Variants in SGCZ observed in about 807,000 individuals in gnomAD.
The protein encoded by SGCZ is zeta-sarcoglycan.
Under a neutral mutation model 41.3 loss-of-function variants are expected in SGCZ, and 40 were observed. The observed-to-expected ratio is 0.97, with a 90% CI of 0.75 to 1.26. The LOEUF is 1.26. Ranked by LOEUF, SGCZ falls within the 50% of genes most tolerant of loss-of-function variation. SGCZ has a pLI of 0.00. For missense variants in SGCZ, 552 were observed against 369.8 expected (o/e 1.49, Z -4.04); for synonymous variants, 206 against 137.5 (o/e 1.50, Z -3.49).
chr8:15,137,671 TG>T (rs1355353689), intron 1 of SGCZ, among the ~76,000 whole-genome samples: 1 of 152,138 alleles, frequency 6.6e-6, no homozygotes, highest in Non-Finnish European at 1.5e-5. Context: ...ACCTTTCATG[TG>T]GTGTTGAGCC....
At chr8:14,973,028 T>A (rs565003184) in intron 1 of SGCZ, among the ~76,000 whole-genome samples, 51 of 152,326 alleles carry the variant, frequency 3.3e-4, no homozygotes, top group African/African-American at 1.2e-3. Flanking sequence ...ACAAACATTA[T>A]GAGTCCTAAT....
intron 1 of SGCZ, among the ~76,000 whole-genome samples, chr8:14,661,472 T>C (rs562531046): frequency 7.4e-4 from 113 of 152,316 alleles, no homozygotes; most frequent in African/African-American, 2.6e-3. Flanking sequence ...GTCAGTGCAA[T>C]ATCTACAATT....
At chr8:14,728,232 C>G (rs1220664201) in intron 1 of SGCZ, among the ~76,000 whole-genome samples, 1 of 151,188 alleles carries the variant, frequency 6.6e-6, no homozygotes, top group African/African-American at 2.4e-5. Context: ...ATAATTTTCT[C>G]TAAAAATAAA....
chr8:14,286,471 G>A (rs1800634380), intron 3 of SGCZ, among the ~76,000 whole-genome samples: 1 of 152,060 alleles, frequency 6.6e-6, no homozygotes, highest in Non-Finnish European at 1.5e-5. Context: ...AACTCCAGCT[G>A]TTTGACAGCT....
chr8:14,661,730 A>G (rs1807757279), intron 1 of SGCZ, among the ~76,000 whole-genome samples: 1 of 152,160 alleles, frequency 6.6e-6, no homozygotes, highest in Non-Finnish European at 1.5e-5. Flanking sequence ...AGGAGAGTAG[A>G]GTAACACATG....
intron 1 of SGCZ, among the ~76,000 whole-genome samples, chr8:15,047,461 T>G (rs1387677054): frequency 6.6e-6 from 1 of 152,030 alleles, no homozygotes; most frequent in Non-Finnish European, 1.5e-5. Flanking sequence ...AAAGATGATT[T>G]TTGGCAGTAT....
At chr8:15,066,227 G>C (rs1209800857) in intron 1 of SGCZ, among the ~76,000 whole-genome samples, 2 of 150,318 alleles carry the variant, frequency 1.3e-5, no homozygotes, top group African/African-American at 4.9e-5. Flanking sequence ...AGAATGGCGT[G>C]AACCCGGGAA....
At chr8:14,322,630 A>T (rs1291620932) in intron 3 of SGCZ, among the ~76,000 whole-genome samples, 1 of 152,148 alleles carries the variant, frequency 6.6e-6, no homozygotes, top group Non-Finnish European at 1.5e-5. Flanking sequence ...CGTAGCGACT[A>T]CAAATGAACC....
chr8:15,112,878 A>G (rs1807124288), intron 1 of SGCZ, among the ~76,000 whole-genome samples: 1 of 152,170 alleles, frequency 6.6e-6, no homozygotes, highest in South Asian at 2.1e-4. Flanking sequence ...GATCAAATAA[A>G]CAATTGTTGC....
At chr8:14,899,136 T>C (rs999122565) in intron 1 of SGCZ, among the ~76,000 whole-genome samples, 1 of 152,146 alleles carries the variant, frequency 6.6e-6, no homozygotes, top group Admixed American at 6.6e-5. Context: ...TTGATCATAG[T>C]TTATCAAGAC....
rs141914086 is a variant in SGCZ, at chr8:14,841,944, C to T, written c.40-287018G>A. Among the ~76,000 whole-genome samples, 14 of 152,224 alleles carry T rather than the reference C, an allele frequency of 9.2e-5. No individual in the cohort carries two copies. In the South Asian group the frequency reaches 2.9e-3, roughly 32 times the overall value. ...GGATTTGGCTTCCATAATAGAATCA[C>T]CATCTCAGAGTACTTATTCAGTACA... On this transcript the variant is annotated intron_variant, in intron 1 of 7. Transcript: ENST00000382080.
intron 1 of SGCZ, among the ~76,000 whole-genome samples, chr8:15,196,947 T>C (rs544726730): frequency 2.0e-5 from 3 of 152,320 alleles, no homozygotes; most frequent in Non-Finnish European, 1.5e-5. Context: ...TCTCATTCTC[T>C]AGCAGGACAG....
At chr8:14,666,684 CAAAAAAA>C (rs34262206) in intron 1 of SGCZ, among the ~76,000 whole-genome samples, 20 of 107,464 alleles carry the variant, frequency 1.9e-4, no homozygotes, top group Non-Finnish European at 3.6e-4. Context: ...GTAGAATTTG[CAAAAAAA>C]AAAAAAAAAA....
At position 14,854,055 on chromosome 8, in the gene SGCZ, A is replaced by ATATATC. The variant is rs1252406372; in HGVS notation, c.40-299130_40-299129insGATATA. Among the ~76,000 whole-genome samples, 3 of 129,898 alleles carry ATATATC rather than the reference A, an allele frequency of 2.3e-5. 1 individual carries two copies. In the Middle Eastern group the frequency reaches 0.013, roughly 555 times the overall value. The allele number at this position is 129,898 out of a possible 152,430, so 85.2% of individuals were successfully genotyped here. ...TATATATATATATATATATATATATATCCTTTTGTATATATATTCTAATTT... is the reference window on the plus strand; with the variant it reads ...TATATATATATATATATATATATATATATATCTCCTTTTGTATATATATTCTAATTT... On this transcript the variant is annotated intron_variant, in intron 1 of 7. Transcript: ENST00000382080.
chr8:14,367,993 G>C (rs1803774020), intron 2 of SGCZ, among the ~76,000 whole-genome samples: 1 of 151,966 alleles, frequency 6.6e-6, no homozygotes, highest in Non-Finnish European at 1.5e-5. Context: ...GATGTTACTG[G>C]GAGTTTTATA....
At chr8:14,091,211 T>A (rs931787951) in intron 7 of SGCZ, among the ~76,000 whole-genome samples, 1 of 151,800 alleles carries the variant, frequency 6.6e-6, no homozygotes, top group South Asian at 2.1e-4. Flanking sequence ...GTATATGTGC[T>A]ACATTTTTTT....
chr8:14,514,220 A>G (rs1802546893), intron 2 of SGCZ, among the ~76,000 whole-genome samples: 1 of 151,810 alleles, frequency 6.6e-6, no homozygotes, highest in Admixed American at 6.6e-5. Context: ...GCCATTAGAA[A>G]TGCATTATTT....
intron 6 of SGCZ, among the ~76,000 whole-genome samples, chr8:14,103,573 A>C (rs1802103816): frequency 6.6e-6 from 1 of 152,184 alleles, no homozygotes; most frequent in African/African-American, 2.4e-5. Flanking sequence ...CTCAGCAAGA[A>C]AGTGAAACCT....
chr8:14,528,819 G>T (rs984438968), intron 2 of SGCZ, among the ~76,000 whole-genome samples: 5 of 105,654 alleles, frequency 4.7e-5, no homozygotes, highest in African/African-American at 1.6e-4. Flanking sequence ...ACAACATCAC[G>T]GACCAGCCAA....
Sources: allele counts gnomAD v4.1 joint callset (sites outside exome capture counted in the v4.1 genomes callset), GRCh38; gene constraint gnomAD v4.1.1; transcripts MANE v1.5; gene names NCBI Gene and HGNC (gene_info 2026-07-23, HGNC 2026-07-21).